The following EPHA3 variants were observed in gnomAD, a reference collection of about 807,000 sequenced individuals.
EPHA3 encodes the protein EPH receptor A3.
EPHA3 carries 42 observed loss-of-function variants against 107.1 expected under a neutral mutation model. The ratio of observed to expected loss-of-function variants is 0.39; its 90% CI spans 0.31 to 0.51. The LOEUF is 0.51. Among genes scored for constraint, EPHA3 ranks in the 20% least tolerant of loss-of-function variants. The probability of loss-of-function intolerance (pLI) is 0.78; values close to 1 mark genes in which losing one functional copy is unlikely to be tolerated. For missense variants in EPHA3, 1,183 were observed against 1,211.2 expected, an observed-to-expected ratio of 0.98 and a Z score of 0.35; for synonymous variants, 461 against 424.8, an observed-to-expected ratio of 1.09 and a Z score of -1.05.
chr3:89,120,810 T>C (rs7638207), intron 1 of EPHA3, among the ~76,000 whole-genome samples: 16,705 of 152,200 alleles, frequency 0.11, 947 homozygotes, highest in Middle Eastern at 0.18. Flanking sequence ...AATCCAAAAT[T>C]ATTGCCCAGG....
chr3:89,474,997 T>G (rs1046773907), intron 16 of EPHA3, among the ~76,000 whole-genome samples: 2 of 152,176 alleles, frequency 1.3e-5, no homozygotes, highest in African/African-American at 4.8e-5. Context: ...CCCCACAATA[T>G]TCCTTCTTCT....
intron 2 of EPHA3, among the ~76,000 whole-genome samples, chr3:89,189,540 C>T (rs1199689922): frequency 6.6e-6 from 1 of 152,132 alleles, no homozygotes; most frequent in Non-Finnish European, 1.5e-5. Context: ...TTGCAGTGAG[C>T]CCAGATTGCG....
In EPHA3 at chr3:89,479,693, T is replaced by G. The variant is rs1576400580; in HGVS notation, c.*191T>G. 1 of 510,854 alleles carries G rather than the reference T, an allele frequency of 2.0e-6. No homozygotes were observed. Among genetic ancestry groups the G allele is most frequent in the Non-Finnish European group, 3.5e-6 (1 of 286,752 alleles). The allele number at this position is 510,854 out of a possible 1,614,324, so 31.6% of individuals were successfully genotyped here. A position where few individuals can be genotyped will look rare whatever the true frequency, so the allele number is the denominator to read the frequency against. The stretch of plus-strand genomic sequence containing the variant: ...TTTCCCCTATCATTTATTGGATGGG[T>G]GGGTGGGGTATTTTTTTGTAATTGC... On this transcript the variant is annotated 3_prime_UTR_variant, in exon 17 of 17. Coordinates refer to ENST00000336596, the MANE Select transcript of EPHA3 (RefSeq NM_005233.6).
At chr3:89,227,065 A>T (rs1160846282) in intron 3 of EPHA3, among the ~76,000 whole-genome samples, 3 of 152,126 alleles carry the variant, frequency 2.0e-5, no homozygotes, top group East Asian at 3.9e-4. Context: ...ACCAGTGAAG[A>T]CTTGTTACTC....
chr3:89,125,350 A>G (rs1406674682), intron 1 of EPHA3, among the ~76,000 whole-genome samples: 1 of 151,852 alleles, frequency 6.6e-6, no homozygotes, highest in Non-Finnish European at 1.5e-5. Context: ...AACTAGGTAT[A>G]TCTTTTATCA....
chr3:89,336,520 A>C (rs1707396164), intron 3 of EPHA3, among the ~76,000 whole-genome samples: 1 of 152,206 alleles, frequency 6.6e-6, no homozygotes, highest in African/African-American at 2.4e-5. Context: ...ACATTTATAG[A>C]GATTGTTTCT....
rs1315928072 is a variant in EPHA3, at chr3:89,244,752, T to A, written c.814+34232T>A. On this transcript the variant is annotated intron_variant, in intron 3 of 16. Transcript: ENST00000336596. ...TATGCAGCTTTATCAGTGGCTATAA[T>A]GTGAACATTTCTTCAGCTATATGCC... Among the ~76,000 whole-genome samples the A allele has an allele frequency of 3.9e-5, 6 of 152,222 alleles. No individual in the cohort carries two copies. In the East Asian group the frequency reaches 1.2e-3, roughly 29 times the overall value.
intron 2 of EPHA3, among the ~76,000 whole-genome samples, chr3:89,160,061 C>T (rs777736258): frequency 2.0e-5 from 3 of 151,802 alleles, no homozygotes; most frequent in African/African-American, 4.8e-5. Context: ...ACTCTAAGAC[C>T]GTTATCCTAA....
chr3:89,414,895 C>T (rs1408555320), intron 10 of EPHA3, among the ~76,000 whole-genome samples: 3 of 151,430 alleles, frequency 2.0e-5, no homozygotes, highest in African/African-American at 7.3e-5. Flanking sequence ...TAGAATAGAG[C>T]CTCCTTCCTA....
Position 89,391,637 on chromosome 3 carries a change from G to A in EPHA3, c.1307-4200G>A, listed in dbSNP as rs536014464. Reference sequence around the variant, plus strand: ...TTTAGTAGAGATGGGGTTTCACCGTGTTAGCCAGGATGGTCTCCATCTCCT... The same window carrying A: ...TTTAGTAGAGATGGGGTTTCACCGTATTAGCCAGGATGGTCTCCATCTCCT... On this transcript the variant is annotated intron_variant, in intron 5 of 16. Transcript: ENST00000336596. Among the ~76,000 whole-genome samples, 265 of 151,416 alleles carry A rather than the reference G, an allele frequency of 1.8e-3. 2 individuals are homozygous for A. Among genetic ancestry groups the A allele is most frequent in the African/African-American group, 6.0e-3 (248 of 41,304 alleles).
rs539437119 is a variant in EPHA3 at position 89,431,387 on chromosome 3, T to C, written c.2346+28T>C. The C allele has an allele frequency of 5.7e-6, 9 of 1,582,430 alleles. 1 individual carries two copies. The South Asian group carries it at 1.0e-4, about 18-fold the overall frequency. On this transcript the variant is annotated intron_variant, in intron 13 of 16. Coordinates refer to ENST00000336596, the MANE Select transcript of EPHA3 (RefSeq NM_005233.6). Reference sequence around the variant, plus strand: ...GAGTAACTTAGATTTTCTCCTTTTTTATCATTGTTTTCCATCTTGTATCAT... The same window carrying C: ...GAGTAACTTAGATTTTCTCCTTTTTCATCATTGTTTTCCATCTTGTATCAT...
At chr3:89,152,106 C>T (rs1353618644) in intron 2 of EPHA3, among the ~76,000 whole-genome samples, 4 of 152,120 alleles carry the variant, frequency 2.6e-5, no homozygotes, top group African/African-American at 4.8e-5. Context: ...AATATTTGGA[C>T]GCATATTTTA....
chr3:89,479,108 C>T (rs1198727976), intron 16 of EPHA3, among the ~76,000 whole-genome samples: 1 of 152,052 alleles, frequency 6.6e-6, no homozygotes, highest in Admixed American at 6.5e-5. Flanking sequence ...GATATTTTCC[C>T]AATCGGTGTA....
intron 1 of EPHA3, among the ~76,000 whole-genome samples, chr3:89,120,794 G>T (rs1707360172): frequency 6.6e-6 from 1 of 152,110 alleles, no homozygotes; most frequent in Non-Finnish European, 1.5e-5. Flanking sequence ...GATCTTTATA[G>T]AAATAAATCC....
chr3:89,184,934 T>C (rs1705529608), intron 2 of EPHA3, among the ~76,000 whole-genome samples: 1 of 152,078 alleles, frequency 6.6e-6, no homozygotes, highest in Admixed American at 6.6e-5. Context: ...TTGGCATGTC[T>C]GGTTTGGAAA....
intron 2 of EPHA3, among the ~76,000 whole-genome samples, chr3:89,159,928 C>A (rs1225570848): frequency 2.6e-5 from 4 of 151,968 alleles, no homozygotes; most frequent in African/African-American, 9.7e-5. Flanking sequence ...TTCCTTCCTT[C>A]CTTCCTCCCT....
chr3:89,455,820 A>G (rs1457735486), intron 15 of EPHA3, among the ~76,000 whole-genome samples: 1 of 152,228 alleles, frequency 6.6e-6, no homozygotes, highest in Non-Finnish European at 1.5e-5. Flanking sequence ...TGGCAGCACC[A>G]GTGAAATAAA....
intron 3 of EPHA3, among the ~76,000 whole-genome samples, chr3:89,271,934 T>G (rs1342260552): frequency 6.6e-6 from 1 of 152,008 alleles, no homozygotes; most frequent in Non-Finnish European, 1.5e-5. Flanking sequence ...TTCAGCTTAC[T>G]TAATGTGAAT....
chr3:89,312,303 G>T (rs2107363000), intron 3 of EPHA3, among the ~76,000 whole-genome samples: 1 of 150,960 alleles, frequency 6.6e-6, no homozygotes, highest in East Asian at 1.9e-4. Context: ...CTCTGAAGTT[G>T]GGGAAGACGT....
Sources: gnomAD v4.1 joint callset for allele counts (sites outside exome capture counted in the v4.1 genomes callset) on GRCh38, gnomAD v4.1.1 for gene constraint, MANE v1.5 for transcripts, NCBI Gene and HGNC (gene_info 2026-07-23, HGNC 2026-07-21) for gene names.